Variants in MTMR8 observed in about 807,000 individuals in gnomAD.
The protein encoded by MTMR8 is myotubularin related protein 8.
Under a neutral mutation model 39.3 loss-of-function variants are expected in MTMR8, and 65 were observed. The ratio of observed to expected loss-of-function variants is 1.65; its 90% CI spans 1.35 to 2.03. MTMR8 has a LOEUF of 2.03. MTMR8 is among the 30% of genes most tolerant of loss of function. The pLI is 0.00. For synonymous variants in MTMR8, 245 were observed against 185.2 expected (o/e 1.32, Z -2.62); for missense variants, 777 against 538.9 (o/e 1.44, Z -4.37).
chrX:64,359,774 T>A (rs1923728087), intron 1 of MTMR8, among the ~76,000 whole-genome samples: 1 of 110,524 alleles, frequency 9.0e-6, no homozygotes, highest in Admixed American at 9.7e-5. Flanking sequence ...GTTTACAAGA[T>A]GAGGTACGTA....
At chrX:64,323,220 G>T (rs947792006) in intron 12 of MTMR8, among the ~76,000 whole-genome samples, 1 of 112,471 alleles carries the variant, frequency 8.9e-6, no homozygotes, top group African/African-American at 3.2e-5. Flanking sequence ...GTGAAGAGAT[G>T]GAAAATGATA....
intron 12 of MTMR8, among the ~76,000 whole-genome samples, chrX:64,313,650 G>A (rs923399835): frequency 1.9e-4 from 21 of 112,238 alleles, no homozygotes; most frequent in Admixed American, 1.3e-3. Flanking sequence ...GTGACTCTTC[G>A]TTTCACTTGA....
At chrX:64,305,625 G>T in intron 12 of MTMR8, 1 of 531,416 alleles carries the variant, frequency 1.9e-6, no homozygotes, top group Non-Finnish European at 3.5e-6. Flanking sequence ...GCTGAGAAGA[G>T]GAACCAAATG....
At chrX:64,318,024 T>C (rs1274664926) in intron 12 of MTMR8, among the ~76,000 whole-genome samples, 1 of 112,364 alleles carries the variant, frequency 8.9e-6, no homozygotes, top group Non-Finnish European at 1.9e-5. Flanking sequence ...ACACAGGGCA[T>C]GGACACATTA....
chrX:64,368,785 T>C (rs1428478419), intron 1 of MTMR8, among the ~76,000 whole-genome samples: 1 of 112,342 alleles, frequency 8.9e-6, no homozygotes, highest in Non-Finnish European at 1.9e-5. Flanking sequence ...AAAGAGCTTC[T>C]GCAATGCAAA....
chrX:64,393,495 C>T (rs1169998514), intron 1 of MTMR8, among the ~76,000 whole-genome samples: 2 of 111,924 alleles, frequency 1.8e-5, no homozygotes, highest in African/African-American at 6.5e-5. Context: ...TTCTGCCTCC[C>T]CATCTTCCCC....
Position 64,354,820 on chromosome X carries a change from G to T in MTMR8, c.425C>A (p.Pro142His). 3.3e-6 allele frequency: 4 copies of T among 1,204,439 alleles called. No individual in the cohort carries two copies. Among genetic ancestry groups the T allele is most frequent in the Non-Finnish European group, 4.5e-6 (4 of 891,904 alleles). ...ATCTGTTATGGTCCAGTTTCTGTTG[G>T]GTATTCCCATACGCCCAAAGTCTGA... ...PISDFGRMGI[P>H]NRNWTITDAN... Residue 142 changes from proline (P) to histidine (H), a missense_variant, in exon 4 of 14, where the codon CCC (proline) becomes CAC (histidine). By Grantham distance (77) the Pro-to-His change is moderately conservative. Coordinates refer to ENST00000374852, the MANE Select transcript of MTMR8 (RefSeq NM_017677.4).
intron 1 of MTMR8, among the ~76,000 whole-genome samples, chrX:64,366,511 G>A (rs1031183645): frequency 8.9e-6 from 1 of 111,954 alleles, no homozygotes; most frequent in Non-Finnish European, 1.9e-5. Flanking sequence ...TGACTACTGG[G>A]TATATAACAA....
chrX:64,327,158 G>A (rs1922819191), intron 12 of MTMR8, among the ~76,000 whole-genome samples: 1 of 111,660 alleles, frequency 9.0e-6, no homozygotes, highest in Non-Finnish European at 1.9e-5. Context: ...AAAAGCACAG[G>A]TAACAAAAGC....
chrX:64,297,586 T>C (rs1401570426), intron 12 of MTMR8, among the ~76,000 whole-genome samples: 1 of 90,172 alleles, frequency 1.1e-5, no homozygotes, highest in African/African-American at 4.1e-5. Context: ...TTTAGTTTAA[T>C]TAGATCCCAT....
At chrX:64,277,026 A>G (rs769353747) in intron 12 of MTMR8, among the ~76,000 whole-genome samples, 4 of 110,664 alleles carry the variant, frequency 3.6e-5, no homozygotes, top group Non-Finnish European at 5.7e-5. Flanking sequence ...GTCTTTTTTG[A>G]CCTTTGTTGG....
At chrX:64,291,634 A>G (rs1024328224) in intron 12 of MTMR8, among the ~76,000 whole-genome samples, 1 of 111,465 alleles carries the variant, frequency 9.0e-6, no homozygotes, top group African/African-American at 3.3e-5. Context: ...CAAGGATGGA[A>G]TTTTGGTGAT....
intron 8 of MTMR8, among the ~76,000 whole-genome samples, chrX:64,340,663 T>C (rs889464000): frequency 8.9e-6 from 1 of 111,858 alleles, no homozygotes; most frequent in Non-Finnish European, 1.9e-5. Flanking sequence ...TTTTCAACCT[T>C]TTTGACTTCT....
intron 1 of MTMR8, among the ~76,000 whole-genome samples, chrX:64,388,808 C>T (rs1478278752): frequency 2.7e-5 from 3 of 112,269 alleles, no homozygotes; most frequent in South Asian, 3.7e-4. Context: ...CAGGGCTTCT[C>T]GGAGCCTTTA....
At chrX:64,370,601 T>G (rs768901189) in intron 1 of MTMR8, among the ~76,000 whole-genome samples, 6 of 112,007 alleles carry the variant, frequency 5.4e-5, no homozygotes, top group African/African-American at 1.9e-4. Flanking sequence ...ATTTATCTAC[T>G]GAGGCCTTGA....
Position 64,345,159 on chromosome X carries a change from G to A in MTMR8, c.751C>T (p.Arg251Ter), listed in dbSNP as rs774795118. Reference protein sequence around the residue: ...TRPKLNAMANRAAGKGYENED... With the variant: ...TRPKLNAMAN ...TTTTCATACCCCTTCCCAGCTGCTC[G>A]GTTGGCCATGGCATTCAACTGCAAT... The change falls in exon 7 of 14, where the codon CGA (arginine) becomes TGA (stop). Residue 251 changes from arginine (R) to a stop codon, truncating the protein, a stop_gained. Coordinates refer to ENST00000374852, the MANE Select transcript of MTMR8 (RefSeq NM_017677.4). LOFTEE classifies it high-confidence loss of function. 12 of 1,210,794 alleles carry A rather than the reference G, an allele frequency of 9.9e-6. No individual in the cohort carries two copies. The highest frequency in any genetic ancestry group is 2.3e-4 in the Middle Eastern group (1 of 4,349).
intron 12 of MTMR8, among the ~76,000 whole-genome samples, chrX:64,295,815 T>C (rs1451602555): frequency 8.9e-6 from 1 of 111,990 alleles, no homozygotes; most frequent in African/African-American, 3.2e-5. Flanking sequence ...AATGCAATTA[T>C]TGGTGAGGAT....
chrX:64,268,534 A>C lies in MTMR8; in HGVS notation c.*3T>G. The C allele has an allele frequency of 8.3e-7, 1 of 1,197,825 alleles. No individual in the cohort carries two copies. Among genetic ancestry groups the C allele is most frequent in the Middle Eastern group, 2.4e-4 (1 of 4,234 alleles). ...TACCTAGCATGGAAGATGAGTAACT[A>C]ACTCACTGATGCTTGGAGTAGTCTG... On this transcript the variant is annotated 3_prime_UTR_variant, in exon 14 of 14. Coordinates refer to ENST00000374852, the MANE Select transcript of MTMR8 (RefSeq NM_017677.4).
chrX:64,383,820 C>A (rs183705153), intron 1 of MTMR8, among the ~76,000 whole-genome samples: 1 of 111,130 alleles, frequency 9.0e-6, no homozygotes, highest in African/African-American at 3.3e-5. Context: ...AGGGACAGAA[C>A]CAAACCATAT....
Sources: gnomAD v4.1 joint callset for allele counts (sites outside exome capture counted in the v4.1 genomes callset) on GRCh38, gnomAD v4.1.1 for gene constraint, MANE v1.5 for transcripts, NCBI Gene and HGNC (gene_info 2026-07-23, HGNC 2026-07-21) for gene names.